The following CREB5 variants were observed in gnomAD, a reference collection of about 807,000 sequenced individuals.
CREB5 encodes the protein cyclic AMP-responsive element-binding protein 5.
In CREB5, 19 loss-of-function variants were observed where a neutral mutation model predicts 57.1. That is an observed-to-expected ratio of 0.33 (90% CI 0.23 to 0.49). The LOEUF is 0.49. CREB5 is among the 20% of genes least tolerant of loss of function. The pLI is 0.99. For synonymous variants in CREB5, 238 were observed against 238.3 expected (o/e 1.00, Z 0.01); for missense variants, 579 against 671.6 (o/e 0.86, Z 1.52).
rs1458228253 is a variant in CREB5 at position 28,804,277 on chromosome 7, A to T, written c.781A>T (p.Met261Leu). Reference sequence around the variant, plus strand: ...GAACACCATGGGACACATGATGGAGATGATGGGCTCCCGGCAGGACCAGAC... The same window carrying T: ...GAACACCATGGGACACATGATGGAGTTGATGGGCTCCCGGCAGGACCAGAC... ...NMNTMGHMME[M>L]MGSRQDQTPH... Residue 261 changes from methionine (M) to leucine (L), a missense_variant, in exon 8 of 11, where the codon ATG becomes TTG. Physicochemically the swap from Met to Leu is conservative, Grantham distance 15. Around this residue, in one of 3 missense-constraint regions of CREB5, gnomAD observed 459 missense variants for 515.7 expected, o/e 0.89. Transcript: ENST00000357727. 2.5e-6 allele frequency: 4 copies of T among 1,613,926 alleles called. No homozygotes were observed. The African/African-American group carries it at 5.3e-5, about 22-fold the overall frequency.
intron 5 of CREB5, chr7:28,615,965 A>G (rs1292732270): frequency 2.6e-5 from 4 of 152,236 alleles, no homozygotes; most frequent in Admixed American, 2.6e-4. Context: ...AAATTGGTTG[A>G]CATGTCTTCT....
At chr7:28,658,438 C>G (rs959976535) in intron 5 of CREB5, among the ~76,000 whole-genome samples, 1 of 152,182 alleles carries the variant, frequency 6.6e-6, no homozygotes, top group African/African-American at 2.4e-5. Flanking sequence ...TGGAGTTTCA[C>G]GCAGGCTGGA....
rs566073621 is a variant in CREB5 at position 28,725,659 on chromosome 7, AAAAGAAAG to A, written c.702+1343_702+1350del. Reference sequence around the variant, plus strand: ...ATATCTTTTTTTAAAAAAAAAAAAAAAAAGAAAGAAAGAAAGAAAGAAAAGAAAGAAAA... The same window carrying A: ...ATATCTTTTTTTAAAAAAAAAAAAAAAAAGAAAGAAAGAAAAGAAAGAAAA... On this transcript the variant is annotated intron_variant, in intron 7 of 10. Transcript: ENST00000357727. Among the ~76,000 whole-genome samples the A allele has an allele frequency of 2.6e-3, 386 of 148,364 alleles. 5 individuals are homozygous for A. The highest frequency in any genetic ancestry group is 8.8e-3 in the African/African-American group (363 of 41,026).
intron 1 of CREB5, among the ~76,000 whole-genome samples, chr7:28,341,395 C>T (rs185101513): frequency 9.1e-4 from 138 of 152,294 alleles, no homozygotes; most frequent in African/African-American, 3.2e-3. Flanking sequence ...CAGTCATTCA[C>T]ACCCAATAAG....
chr7:28,374,460 G>T (rs763626685), intron 1 of CREB5, among the ~76,000 whole-genome samples: 3 of 152,104 alleles, frequency 2.0e-5, no homozygotes, highest in Non-Finnish European at 4.4e-5. Context: ...CAAGTAAGTG[G>T]ATAAACAAAA....
At chr7:28,653,774 T>G (rs1799230879) in intron 5 of CREB5, among the ~76,000 whole-genome samples, 1 of 152,254 alleles carries the variant, frequency 6.6e-6, no homozygotes, top group South Asian at 2.1e-4. Context: ...GCAGCATAAA[T>G]TCTCTTATTG....
chr7:28,656,512 A>T (rs1799338660), intron 5 of CREB5, among the ~76,000 whole-genome samples: 1 of 152,226 alleles, frequency 6.6e-6, no homozygotes, highest in Non-Finnish European at 1.5e-5. Flanking sequence ...AAATCAGATT[A>T]TTATCATAGC....
Position 28,819,232 on chromosome 7 carries a change from C to T in CREB5, c.1480C>T (p.Leu494Phe), listed in dbSNP as rs2128810003. Reference sequence around the variant, plus strand: ...CAGCGAGGTGGTAGGAAGCTCCACCCTCAGCCAGCTCACCACTCACAGAAC... The same window carrying T: ...CAGCGAGGTGGTAGGAAGCTCCACCTTCAGCCAGCTCACCACTCACAGAAC... ...SVSEVVGSST[L>F]SQLTTHRTDL... Residue 494 changes from leucine (L) to phenylalanine (F), a missense_variant, in exon 11 of 11, where the codon CTC becomes TTC. By Grantham distance (22) the Leu-to-Phe change is conservative. This residue lies in a region of CREB5 where 114 missense variants were observed against 130.8 expected (regional missense o/e 0.87). Coordinates refer to ENST00000357727, the MANE Select transcript of CREB5 (RefSeq NM_182898.4). 3.1e-6 allele frequency: 5 copies of T among 1,613,850 alleles called. No individual in the cohort carries two copies. Among genetic ancestry groups the T allele is most frequent in the East Asian group, 2.2e-5 (1 of 44,870 alleles).
At chr7:28,424,972 C>T (rs970213949) in intron 1 of CREB5, among the ~76,000 whole-genome samples, 12 of 151,988 alleles carry the variant, frequency 7.9e-5, no homozygotes, top group Admixed American at 2.6e-4. Context: ...GGCAAAGATC[C>T]GACTAGACAG....
At chr7:28,603,883 G>T (rs1797016741) in intron 5 of CREB5, among the ~76,000 whole-genome samples, 1 of 152,190 alleles carries the variant, frequency 6.6e-6, no homozygotes, top group African/African-American at 2.4e-5. Context: ...GATGTGAGGA[G>T]AAATGTGTCC....
intron 4 of CREB5, among the ~76,000 whole-genome samples, chr7:28,536,325 G>A (rs538850458): frequency 1.4e-4 from 22 of 152,280 alleles, no homozygotes; most frequent in African/African-American, 4.8e-4. Context: ...CCCTCTCAGA[G>A]TCTGTCTGTT....
chr7:28,699,014 ACT>A (rs1420827018), intron 5 of CREB5, among the ~76,000 whole-genome samples: 2 of 152,062 alleles, frequency 1.3e-5, no homozygotes, highest in African/African-American at 4.8e-5. Context: ...TGAGCGAGAT[ACT>A]CACAATAAGG....
intron 1 of CREB5, among the ~76,000 whole-genome samples, chr7:28,343,794 A>C (rs954700397): frequency 6.6e-6 from 1 of 152,146 alleles, no homozygotes; most frequent in Non-Finnish European, 1.5e-5. Flanking sequence ...CTCCATAATG[A>C]CTGTACTGAT....
intron 5 of CREB5, among the ~76,000 whole-genome samples, chr7:28,599,754 G>GTTTTGTT (rs3041154): frequency 2.5e-4 from 37 of 148,910 alleles, no homozygotes; most frequent in South Asian, 1.1e-3. Flanking sequence ...GTTTTGTTTT[G>GTTTTGTT]TTTTTTTATT....
chr7:28,376,116 G>A (rs188080213), intron 1 of CREB5, among the ~76,000 whole-genome samples: 166 of 152,224 alleles, frequency 1.1e-3, no homozygotes, highest in African/African-American at 3.8e-3. Context: ...ATTCAATTTT[G>A]GTCAGGCTGA....
At chr7:28,497,625 A>G (rs1242759920) in intron 3 of CREB5, among the ~76,000 whole-genome samples, 2 of 152,224 alleles carry the variant, frequency 1.3e-5, no homozygotes, top group Admixed American at 1.3e-4. Flanking sequence ...TCTTAGGTTC[A>G]TAGAATTTTC....
At chr7:28,626,586 C>G (rs1263590874) in intron 5 of CREB5, among the ~76,000 whole-genome samples, 1 of 152,206 alleles carries the variant, frequency 6.6e-6, no homozygotes, top group Non-Finnish European at 1.5e-5. Flanking sequence ...AACCCCTCCC[C>G]TCTGTTGCCA....
chr7:28,486,662 C>A (rs1791558550), intron 1 of CREB5, among the ~76,000 whole-genome samples: 3 of 39,854 alleles, frequency 7.5e-5, no homozygotes, highest in African/African-American at 1.3e-4. Context: ...CGTGTATCTC[C>A]TATGATTTTA....
chr7:28,798,895 G>A (rs1414302071), intron 7 of CREB5, among the ~76,000 whole-genome samples: 1 of 152,150 alleles, frequency 6.6e-6, no homozygotes, highest in Non-Finnish European at 1.5e-5. Flanking sequence ...TAGGTGGAAT[G>A]TTATTTAAAA....
Sources: allele counts gnomAD v4.1 joint callset (sites outside exome capture counted in the v4.1 genomes callset), GRCh38; gene constraint gnomAD v4.1.1; regional missense constraint gnomAD v4.1.1; transcripts MANE v1.5; gene names NCBI Gene and HGNC (gene_info 2026-07-23, HGNC 2026-07-21).